AK5: variants seen among roughly 807,000 people sequenced by gnomAD.
AK5 encodes adenylate kinase 5.
A neutral mutation model predicts 69.5 loss-of-function variants in AK5; 27 were observed. The ratio of observed to expected loss-of-function variants is 0.39; its 90% CI spans 0.29 to 0.54. The LOEUF is 0.54. Among genes scored for constraint, AK5 ranks in the 20% least tolerant of loss-of-function variants. The probability of loss-of-function intolerance (pLI) is 0.71; values close to 1 mark genes in which losing one functional copy is unlikely to be tolerated. For synonymous variants in AK5, 260 were observed against 244.4 expected (o/e 1.06, Z -0.60); for missense variants, 531 against 700.4 (o/e 0.76, Z 2.73).
At chr1:77,351,839 G>A (rs1289356417) in intron 6 of AK5, among the ~76,000 whole-genome samples, 1 of 152,016 alleles carries the variant, frequency 6.6e-6, no homozygotes, top group African/African-American at 2.4e-5. Context: ...GAATAAATGA[G>A]TGAGCCAACC....
intron 13 of AK5, among the ~76,000 whole-genome samples, chr1:77,537,115 A>G (rs185017565): frequency 2.6e-5 from 4 of 152,276 alleles, no homozygotes; most frequent in Non-Finnish European, 4.4e-5. Context: ...TGATCACACA[A>G]TGAGATCAAA....
At chr1:77,353,057 T>TA (rs894578548) in intron 6 of AK5, among the ~76,000 whole-genome samples, 1 of 152,028 alleles carries the variant, frequency 6.6e-6, no homozygotes, top group Admixed American at 6.6e-5. Flanking sequence ...ATTATTTTTT[T>TA]AAAAAAAATA....
At chr1:77,421,123 T>G (rs577888522) in intron 8 of AK5, among the ~76,000 whole-genome samples, 10 of 152,360 alleles carry the variant, frequency 6.6e-5, no homozygotes, top group Admixed American at 6.5e-5. Context: ...GGCCATAGTT[T>G]GCTGACTCCT....
chr1:77,405,701 C>A (rs964582091), intron 6 of AK5, among the ~76,000 whole-genome samples: 2 of 152,076 alleles, frequency 1.3e-5, no homozygotes, highest in South Asian at 4.1e-4. Context: ...GGATCCAACT[C>A]CCCCTAGGAA....
chr1:77,552,901 A>C (rs915866535), intron 13 of AK5, among the ~76,000 whole-genome samples: 1 of 152,138 alleles, frequency 6.6e-6, no homozygotes, highest in African/African-American at 2.4e-5. Flanking sequence ...TTAGCTGGGC[A>C]TGGGGGCACA....
intron 5 of AK5, among the ~76,000 whole-genome samples, chr1:77,324,757 A>G (rs2815323): frequency 0.97 from 147,686 of 151,772 alleles, 71,997 homozygotes; most frequent in East Asian, 1. Flanking sequence ...AAGGGGCATG[A>G]GGCGAGATGG....
At chr1:77,305,936 A>G (rs1331694298) in intron 5 of AK5, among the ~76,000 whole-genome samples, 3 of 152,026 alleles carry the variant, frequency 2.0e-5, no homozygotes, top group African/African-American at 7.2e-5. Context: ...CTTGGGTAGT[A>G]TGGATATTTT....
chr1:77,422,691 C>T (rs1182516334), intron 8 of AK5, among the ~76,000 whole-genome samples: 1 of 152,178 alleles, frequency 6.6e-6, no homozygotes, highest in African/African-American at 2.4e-5. Flanking sequence ...GCCCGTGATA[C>T]TCTGTGTTGT....
intron 6 of AK5, among the ~76,000 whole-genome samples, chr1:77,373,438 T>C (rs191804002): frequency 6.6e-6 from 1 of 152,304 alleles, no homozygotes; most frequent in Non-Finnish European, 1.5e-5. Flanking sequence ...AATTAACATA[T>C]GATTGAGGCC....
chr1:77,408,922 C>T (rs375586036), intron 6 of AK5, among the ~76,000 whole-genome samples: 6 of 152,164 alleles, frequency 3.9e-5, no homozygotes, highest in African/African-American at 1.2e-4. Context: ...CTACTCTCCC[C>T]GCTCAAGTAA....
intron 5 of AK5, among the ~76,000 whole-genome samples, chr1:77,329,751 T>C: frequency 6.6e-6 from 1 of 152,196 alleles, no homozygotes; most frequent in Admixed American, 6.5e-5. Context: ...GCCTGGAGCC[T>C]GGGACCAAAG....
intron 6 of AK5, among the ~76,000 whole-genome samples, chr1:77,408,088 A>G (rs1649779911): frequency 6.6e-6 from 1 of 152,162 alleles, no homozygotes; most frequent in African/African-American, 2.4e-5. Flanking sequence ...TGCTGTAATG[A>G]ACATATGAGT....
At chr1:77,511,909 T>C (rs1246168501) in intron 10 of AK5, among the ~76,000 whole-genome samples, 1 of 151,960 alleles carries the variant, frequency 6.6e-6, no homozygotes, top group Non-Finnish European at 1.5e-5. Context: ...AAGGAACAAG[T>C]TGAGAAGTGA....
intron 8 of AK5, among the ~76,000 whole-genome samples, chr1:77,471,631 T>C (rs942668981): frequency 3.3e-4 from 50 of 152,304 alleles, no homozygotes; most frequent in African/African-American, 1.2e-3. Context: ...TCTTAAAGCC[T>C]ATCCCCAAAG....
intron 1 of AK5, 187 bp downstream of exon 1, chr1:77,282,560 GA>G (rs1218621342): frequency 2.9e-6 from 4 of 1,373,628 alleles, no homozygotes; most frequent in Non-Finnish European, 3.8e-6. Context: ...GTCCTTGTCA[GA>G]AGGCTGGGCT....
At chr1:77,321,937 C>G (rs1660556026) in intron 5 of AK5, among the ~76,000 whole-genome samples, 1 of 152,136 alleles carries the variant, frequency 6.6e-6, no homozygotes, top group South Asian at 2.1e-4. Context: ...TTAGCAAGGT[C>G]ATGGAATACA....
At chr1:77,318,601 C>G (rs1315320063) in intron 5 of AK5, among the ~76,000 whole-genome samples, 1 of 152,216 alleles carries the variant, frequency 6.6e-6, no homozygotes, top group East Asian at 1.9e-4. Flanking sequence ...GGAATCACTA[C>G]CCTAAACAAT....
intron 7 of AK5, among the ~76,000 whole-genome samples, chr1:77,417,256 C>A (rs138873748): frequency 7.0e-4 from 106 of 152,170 alleles, no homozygotes; most frequent in African/African-American, 2.4e-3. Context: ...AACTGCTCCC[C>A]CTCCTGGACA....
chr1:77,331,288 C>G (rs942342154), intron 5 of AK5, among the ~76,000 whole-genome samples: 1 of 152,036 alleles, frequency 6.6e-6, no homozygotes, highest in African/African-American at 2.4e-5. Context: ...ATCTTTGTTT[C>G]AGTCCTGATC....
Sources: gnomAD v4.1 joint callset for allele counts (sites outside exome capture counted in the v4.1 genomes callset) on GRCh38, gnomAD v4.1.1 for gene constraint, MANE v1.5 for transcripts, NCBI Gene and HGNC (gene_info 2026-07-23, HGNC 2026-07-21) for gene names.